CSMD1: variants seen among roughly 807,000 people sequenced by gnomAD.
The protein encoded by CSMD1 is CUB and sushi domain-containing protein 1.
CSMD1 carries 213 observed loss-of-function variants against 417.5 expected under a neutral mutation model. The observed-to-expected ratio is 0.51, with a 90% CI of 0.46 to 0.57. The LOEUF is 0.57. Ranked by LOEUF, CSMD1 falls within the 20% of genes least tolerant of loss-of-function variation. CSMD1 has a pLI of 0.00. For missense variants in CSMD1, 6,923 were observed against 4,529.7 expected (o/e 1.53, Z -15.17); for synonymous variants, 2,862 against 1,736.8 (o/e 1.65, Z -16.11).
intron 1 of CSMD1, among the ~76,000 whole-genome samples, chr8:4,725,688 G>A (rs1274984069): frequency 2.6e-5 from 4 of 152,092 alleles, no homozygotes; most frequent in Non-Finnish European, 4.4e-5. Context: ...CTTGCTTTTG[G>A]CATCTTGAAG....
Position 3,866,764 on chromosome 8 carries a change from C to A in CSMD1, c.819-112722G>T, listed in dbSNP as rs148424697. ...ATTCTCCTGATGGTACAAACATATG[C>A]AAAGTGAGGACTCTTTCCTTCAATA... is the stretch of plus-strand genomic sequence containing the variant. On this transcript the variant is annotated intron_variant, in intron 5 of 69. Transcript: ENST00000635120. Among the ~76,000 whole-genome samples the A allele has an allele frequency of 1.8e-3, 277 of 152,214 alleles. 1 individual carries two copies. The highest frequency in any genetic ancestry group is 1.7e-3 in the Non-Finnish European group (114 of 68,008).
intron 1 of CSMD1, among the ~76,000 whole-genome samples, chr8:4,927,952 C>G (rs1175053627): frequency 2.6e-5 from 4 of 152,160 alleles, no homozygotes; most frequent in Non-Finnish European, 5.9e-5. Context: ...CACACTACAT[C>G]TCCAGTGATT....
chr8:3,670,877 A>G (rs561460407), intron 7 of CSMD1, among the ~76,000 whole-genome samples: 6 of 150,314 alleles, frequency 4.0e-5, no homozygotes, highest in Non-Finnish European at 8.9e-5. Flanking sequence ...ATATATGTAT[A>G]TGGGATATAT....
chr8:3,210,908 G>A lies in CSMD1; in HGVS notation c.4867+3589C>T, dbSNP rs144635214. The stretch of plus-strand genomic sequence containing the variant: ...GAATTCATGACCTTTCCTCAATTTT[G>A]CTACCTACTTTTATCTCCCTCACAC... On this transcript the variant is annotated intron_variant, in intron 30 of 69. Transcript: ENST00000635120. Among the ~76,000 whole-genome samples, 235 of 151,916 alleles carry A rather than the reference G, an allele frequency of 1.5e-3. 2 individuals carry two copies. The highest frequency in any genetic ancestry group is 1.2e-3 in the Non-Finnish European group (83 of 67,970).
intron 6 of CSMD1, among the ~76,000 whole-genome samples, chr8:3,748,421 C>T (rs1563336972): frequency 6.6e-6 from 1 of 152,060 alleles, no homozygotes; most frequent in Non-Finnish European, 1.5e-5. Context: ...GCAGGAGGCC[C>T]ATGTGGAGGT....
At chr8:3,526,298 T>A (rs1318471281) in intron 10 of CSMD1, among the ~76,000 whole-genome samples, 3 of 151,242 alleles carry the variant, frequency 2.0e-5, no homozygotes, top group Admixed American at 6.7e-5. Context: ...CAAATAGATA[T>A]AGGCAATGTT....
At chr8:3,061,411 T>A (rs1812580112) in intron 49 of CSMD1, among the ~76,000 whole-genome samples, 1 of 152,236 alleles carries the variant, frequency 6.6e-6, no homozygotes, top group Non-Finnish European at 1.5e-5. Flanking sequence ...TATGAAAGAA[T>A]ATTTTTACTT....
At chr8:3,923,087 G>A (rs1231081705) in intron 5 of CSMD1, among the ~76,000 whole-genome samples, 2 of 152,086 alleles carry the variant, frequency 1.3e-5, no homozygotes, top group African/African-American at 4.8e-5. Context: ...CAGTTGCGAA[G>A]GGCCCTTGTG....
rs1812807621 is a variant in CSMD1, at chr8:3,412,008, A to ATACGTG, written c.1562-2404_1562-2403insCACGTA. On this transcript the variant is annotated intron_variant, in intron 12 of 69. Transcript: ENST00000635120. ...TATATATACGTGTATATACACGTAT[A>ATACGTG]TATATACATATACACACGTATATAT... Among the ~76,000 whole-genome samples, 5 of 49,386 alleles carry ATACGTG rather than the reference A, an allele frequency of 1.0e-4. 2 individuals are homozygous for ATACGTG. Among genetic ancestry groups the ATACGTG allele is most frequent in the Non-Finnish European group, 2.0e-4 (5 of 24,558 alleles). The allele number at this position is 49,386 out of a possible 152,430, so 32.4% of individuals were successfully genotyped here.
At chr8:3,198,794 G>A (rs1394890736) in intron 33 of CSMD1, among the ~76,000 whole-genome samples, 3 of 152,092 alleles carry the variant, frequency 2.0e-5, no homozygotes, top group African/African-American at 4.8e-5. Context: ...AATGTTTTCT[G>A]GAGGAATCTT....
intron 1 of CSMD1, among the ~76,000 whole-genome samples, chr8:4,832,829 C>A (rs566134609): frequency 2.0e-5 from 3 of 152,002 alleles, no homozygotes; most frequent in African/African-American, 7.2e-5. Flanking sequence ...CATCTCATAC[C>A]CTGTGATAAA....
At chr8:4,619,660 T>G (rs982135256) in intron 2 of CSMD1, among the ~76,000 whole-genome samples, 1 of 152,152 alleles carries the variant, frequency 6.6e-6, no homozygotes, top group South Asian at 2.1e-4. Flanking sequence ...ATATTTTTAT[T>G]GAAGTGCCAA....
chr8:4,775,788 G>C (rs1414051499), intron 1 of CSMD1, among the ~76,000 whole-genome samples: 1 of 152,128 alleles, frequency 6.6e-6, no homozygotes, highest in African/African-American at 2.4e-5. Flanking sequence ...GGATGCACTG[G>C]GGATGGGTCC....
intron 10 of CSMD1, among the ~76,000 whole-genome samples, chr8:3,570,832 C>G (rs959155170): frequency 1.3e-5 from 2 of 152,096 alleles, no homozygotes; most frequent in Non-Finnish European, 2.9e-5. Context: ...GTTTCACTTT[C>G]CGGGATCTTG....
At chr8:3,961,493 C>T (rs373275269) in intron 5 of CSMD1, among the ~76,000 whole-genome samples, 1 of 152,092 alleles carries the variant, frequency 6.6e-6, no homozygotes. Context: ...GCCCCATATG[C>T]GTTCATTATT....
rs1191052020 is a variant in CSMD1, at chr8:3,442,808, T to G, written c.1561+25904A>C. On this transcript the variant is annotated intron_variant, in intron 12 of 69. Transcript: ENST00000635120. ...CATTAAGAATTTTTGTGTCTATATTTATGAGAGATATTAGTACATAGATTT... is the reference window on the plus strand; with the variant it reads ...CATTAAGAATTTTTGTGTCTATATTGATGAGAGATATTAGTACATAGATTT... Among the ~76,000 whole-genome samples, 3 of 152,112 alleles carry G rather than the reference T, an allele frequency of 2.0e-5. No individual in the cohort carries two copies. In the South Asian group the frequency reaches 6.2e-4, roughly 31 times the overall value.
rs1317181015 is a variant in CSMD1 at position 3,902,853 on chromosome 8, T to C, written c.818+95050A>G. 4.1e-5 allele frequency among the ~76,000 whole-genome samples: 6 copies of C among 147,692 alleles called. No homozygotes were observed. The South Asian group carries it at 8.5e-4, about 21-fold the overall frequency. The stretch of plus-strand genomic sequence containing the variant: ...TGGCCCATCTTGGATACTGAATAAA[T>C]AGTAGCTACATCCAACTTTCCTTCC... On this transcript the variant is annotated intron_variant, in intron 5 of 69. Transcript: ENST00000635120.
chr8:4,191,313 G>A (rs949459459), intron 3 of CSMD1, among the ~76,000 whole-genome samples: 2 of 151,964 alleles, frequency 1.3e-5, no homozygotes, highest in Admixed American at 6.5e-5. Flanking sequence ...GGAGAATGGC[G>A]TGAACCCGGG....
At chr8:3,986,206 A>G (rs1814308210) in intron 5 of CSMD1, among the ~76,000 whole-genome samples, 1 of 152,116 alleles carries the variant, frequency 6.6e-6, no homozygotes, top group Non-Finnish European at 1.5e-5. Context: ...CGGTCCTGAG[A>G]TGGTGCAAAG....
Sources: gnomAD v4.1 joint callset for allele counts (sites outside exome capture counted in the v4.1 genomes callset) on GRCh38, gnomAD v4.1.1 for gene constraint, MANE v1.5 for transcripts, NCBI Gene and HGNC (gene_info 2026-07-23, HGNC 2026-07-21) for gene names.